The following PTPRM variants were observed in gnomAD, a reference collection of about 807,000 sequenced individuals.
PTPRM encodes the protein receptor-type tyrosine-protein phosphatase mu.
Under a neutral mutation model 186.7 loss-of-function variants are expected in PTPRM, and 47 were observed. The observed-to-expected ratio is 0.25, with a 90% CI of 0.20 to 0.32. PTPRM has a LOEUF of 0.32. Ranked by LOEUF, PTPRM falls within the 10% of genes least tolerant of loss-of-function variation. PTPRM has a pLI of 1.00. For missense variants in PTPRM, 1,494 were observed against 1,865.0 expected (o/e 0.80, Z 3.66); for synonymous variants, 668 against 674.9 (o/e 0.99, Z 0.16).
intron 13 of PTPRM, among the ~76,000 whole-genome samples, chr18:8,120,431 A>G (rs757795058): frequency 6.8e-6 from 1 of 147,546 alleles, no homozygotes; most frequent in Admixed American, 6.7e-5. Context: ...TTTTGTTCAT[A>G]TTGTTTACCT....
chr18:8,231,449 A>G (rs2094285316), intron 14 of PTPRM, among the ~76,000 whole-genome samples: 1 of 152,152 alleles, frequency 6.6e-6, no homozygotes, highest in Non-Finnish European at 1.5e-5. Flanking sequence ...GTTGGCAGCA[A>G]TTTGTCCTGC....
chr18:8,196,984 A>G (rs1274384419), intron 14 of PTPRM, among the ~76,000 whole-genome samples: 1 of 152,186 alleles, frequency 6.6e-6, no homozygotes, highest in Non-Finnish European at 1.5e-5. Context: ...GTGTCTGGGT[A>G]GCCAATTGGG....
intron 7 of PTPRM, among the ~76,000 whole-genome samples, chr18:8,055,637 A>T (rs1431506770): frequency 6.6e-6 from 1 of 151,172 alleles, no homozygotes; most frequent in East Asian, 1.9e-4. Context: ...GTTGTTTCTT[A>T]TCTCTTTTGA....
chr18:7,676,822 A>G (rs998067747), intron 1 of PTPRM, among the ~76,000 whole-genome samples: 1 of 152,214 alleles, frequency 6.6e-6, no homozygotes, highest in East Asian at 1.9e-4. Flanking sequence ...ACAATATAAC[A>G]GATGTTTTTT....
chr18:8,140,314 G>T (rs2092735079), intron 13 of PTPRM, among the ~76,000 whole-genome samples: 1 of 152,062 alleles, frequency 6.6e-6, no homozygotes, highest in South Asian at 2.1e-4. Context: ...AGTACATCGT[G>T]TTCTCAGCCT....
intron 7 of PTPRM, among the ~76,000 whole-genome samples, chr18:8,035,739 T>G (rs2086282671): frequency 6.6e-6 from 1 of 152,106 alleles, no homozygotes; most frequent in African/African-American, 2.4e-5. Context: ...AAGGAAACTT[T>G]TGGAGATGAC....
intron 7 of PTPRM, among the ~76,000 whole-genome samples, chr18:8,054,296 G>GT (rs370386656): frequency 0.6 from 78,860 of 132,396 alleles, 23,563 homozygotes; most frequent in Non-Finnish European, 0.64. Flanking sequence ...ACTAGTAGTA[G>GT]TAATATATAT....
At chr18:8,118,143 A>G (rs888897232) in intron 13 of PTPRM, among the ~76,000 whole-genome samples, 3 of 152,190 alleles carry the variant, frequency 2.0e-5, no homozygotes, top group East Asian at 3.8e-4. Flanking sequence ...AATGAGGTCT[A>G]TTCATTCTAA....
At chr18:8,016,313 A>T (rs187313802) in intron 7 of PTPRM, among the ~76,000 whole-genome samples, 42 of 152,256 alleles carry the variant, frequency 2.8e-4, no homozygotes, top group Non-Finnish European at 3.4e-4. Context: ...TGAGGTCAGG[A>T]GTTCGAGACC....
chr18:8,260,362 C>G (rs1409242240), intron 19 of PTPRM, among the ~76,000 whole-genome samples: 1 of 152,092 alleles, frequency 6.6e-6, no homozygotes, highest in Non-Finnish European at 1.5e-5. Flanking sequence ...CAGAGTCTCA[C>G]TATGTTGCTG....
chr18:7,958,705 C>A (rs1342368846), intron 7 of PTPRM, among the ~76,000 whole-genome samples: 4 of 152,242 alleles, frequency 2.6e-5, no homozygotes, highest in East Asian at 1.9e-4. Flanking sequence ...ATTTTTATTT[C>A]ATCCTTGTCT....
At chr18:7,654,775 T>C (rs1400788322) in intron 1 of PTPRM, among the ~76,000 whole-genome samples, 3 of 152,194 alleles carry the variant, frequency 2.0e-5, no homozygotes, top group African/African-American at 7.2e-5. Flanking sequence ...TGTGGCCTTA[T>C]TTCTGGTTTC....
At chr18:7,921,088 CTGTT>C (rs766414333) in intron 4 of PTPRM, among the ~76,000 whole-genome samples, 18 of 152,048 alleles carry the variant, frequency 1.2e-4, no homozygotes. Context: ...TGAGTTGAAT[CTGTT>C]TGGTGTTCTC....
chr18:7,927,035 C>G (rs1163275783), intron 5 of PTPRM, among the ~76,000 whole-genome samples: 1 of 152,134 alleles, frequency 6.6e-6, no homozygotes, highest in Non-Finnish European at 1.5e-5. Context: ...CTCTCTCTTA[C>G]ACACATACAC....
intron 1 of PTPRM, among the ~76,000 whole-genome samples, chr18:7,682,443 C>A (rs1285886935): frequency 6.6e-6 from 1 of 152,194 alleles, no homozygotes; most frequent in African/African-American, 2.4e-5. Flanking sequence ...AAGCCTCTAG[C>A]ATCTTAAGTT....
chr18:7,660,500 A>G (rs2038954166), intron 1 of PTPRM, among the ~76,000 whole-genome samples: 1 of 152,128 alleles, frequency 6.6e-6, no homozygotes, highest in Admixed American at 6.5e-5. Flanking sequence ...GAGATCTGGA[A>G]TGTTCCTGCT....
At chr18:7,977,584 G>A (rs2055041241) in intron 7 of PTPRM, among the ~76,000 whole-genome samples, 1 of 152,176 alleles carries the variant, frequency 6.6e-6, no homozygotes, top group Non-Finnish European at 1.5e-5. Flanking sequence ...TCTCTCTTGA[G>A]AGCAAAGGGT....
At position 8,376,492 on chromosome 18, in the gene PTPRM, C is replaced by T. The variant is rs754802943; in HGVS notation, c.3357C>T (p.Ile1119=). 9 of 1,613,984 alleles carry T rather than the reference C, an allele frequency of 5.6e-6. No homozygotes were observed. Among genetic ancestry groups the T allele is most frequent in the East Asian group, 2.2e-5 (1 of 44,904 alleles). ...GTGCAGGGAGGACTGGCTGTTTCATCGTCATTGATATCATGTTGGACATGG... is the reference window on the plus strand; with the variant it reads ...GTGCAGGGAGGACTGGCTGTTTCATTGTCATTGATATCATGTTGGACATGG... The part of the protein sequence containing the change: ...SAGAGRTGCF[I]VIDIMLDMAE... The change falls in exon 26 of 33, where the codon ATC becomes ATT. Residue 1119 remains isoleucine (I), a synonymous_variant. Coordinates refer to ENST00000580170, the MANE Select transcript of PTPRM (RefSeq NM_001105244.2).
chr18:7,758,336 C>A (rs2041607752), intron 1 of PTPRM, among the ~76,000 whole-genome samples: 1 of 152,268 alleles, frequency 6.6e-6, no homozygotes, highest in Middle Eastern at 3.4e-3. Context: ...AGAATAGCAG[C>A]ACCATTGCAG....
Sources: gnomAD v4.1 joint callset for allele counts (sites outside exome capture counted in the v4.1 genomes callset) on GRCh38, gnomAD v4.1.1 for gene constraint, MANE v1.5 for transcripts, NCBI Gene and HGNC (gene_info 2026-07-23, HGNC 2026-07-21) for gene names.